The following MYO10 variants were observed in gnomAD, a reference collection of about 807,000 sequenced individuals.
MYO10 encodes myosin X.
In MYO10, 133 loss-of-function variants were observed where a neutral mutation model predicts 257.3. The ratio of observed to expected loss-of-function variants is 0.52; its 90% CI spans 0.45 to 0.60. The LOEUF (loss-of-function observed/expected upper bound fraction) is 0.60, where lower values mean the gene tolerates loss of function less well. MYO10 is among the 20% of genes least tolerant of loss of function. The pLI is 0.00. For missense variants in MYO10, 2,399 were observed against 2,635.7 expected (o/e 0.91, Z 1.97); for synonymous variants, 1,104 against 1,028.6 (o/e 1.07, Z -1.40).
At chr5:16,829,442 T>C (rs567873439) in intron 2 of MYO10, among the ~76,000 whole-genome samples, 2 of 152,264 alleles carry the variant, frequency 1.3e-5, no homozygotes, top group East Asian at 3.9e-4. Context: ...AGCAATCTTC[T>C]GAATCCTCTT....
rs201265648 is a variant in MYO10 at position 16,771,547 on chromosome 5, TTTATTATTATTATTATTATTA to T, written c.931-2365_931-2345del. ...CAAATCTAGGAACTTACTATTATGA[TTTATTATTATTATTATTATTA>T]TTATTATTATTATTATTATTATTAT... On this transcript the variant is annotated intron_variant, in intron 9 of 40. Coordinates refer to ENST00000513610, the MANE Select transcript of MYO10 (RefSeq NM_012334.3). Among the ~76,000 whole-genome samples, 16 of 136,898 alleles carry T rather than the reference TTTATTATTATTATTATTATTA, an allele frequency of 1.2e-4. 1 individual carries two copies. Among genetic ancestry groups the T allele is most frequent in the Admixed American group, 6.1e-4 (8 of 13,018 alleles). The allele number at this position is 136,898 out of a possible 152,430, so 89.8% of individuals were successfully genotyped here.
intron 36 of MYO10, among the ~76,000 whole-genome samples, chr5:16,673,117 G>C (rs1736548600): frequency 6.6e-6 from 1 of 152,002 alleles, no homozygotes; most frequent in African/African-American, 2.4e-5. Context: ...AGGAAAAGCG[G>C]GTGAAAAGCT....
At chr5:16,931,166 G>A (rs1360204146) in intron 1 of MYO10, among the ~76,000 whole-genome samples, 1 of 152,102 alleles carries the variant, frequency 6.6e-6, no homozygotes, top group African/African-American at 2.4e-5. Context: ...AGCTACTCGG[G>A]AGGCTGAGGC....
chr5:16,886,730 G>A (rs566159127), intron 1 of MYO10, among the ~76,000 whole-genome samples: 1 of 151,944 alleles, frequency 6.6e-6, no homozygotes, highest in African/African-American at 2.4e-5. Flanking sequence ...TCAGGAGTTT[G>A]ACACCATCCT....
intron 21 of MYO10, among the ~76,000 whole-genome samples, chr5:16,706,165 A>G (rs1483944601): frequency 6.6e-6 from 1 of 152,180 alleles, no homozygotes; most frequent in Non-Finnish European, 1.5e-5. Flanking sequence ...CCTGGGCAAC[A>G]GAGTGAGATT....
intron 10 of MYO10, among the ~76,000 whole-genome samples, chr5:16,767,822 C>T (rs942509135): frequency 2.6e-5 from 4 of 151,946 alleles, no homozygotes; most frequent in East Asian, 1.9e-4. Context: ...GAATTACAGG[C>T]GCACACCACC....
rs2126575811 is a variant in MYO10, at chr5:16,710,940, A to T, written c.2137T>A (p.Ser713Thr). 6.2e-7 allele frequency: 1 copy of T among 1,613,678 alleles called. No individual in the cohort carries two copies. Reference protein sequence around the residue: ...CTSLLQLYDASNSEWQLGKTK... With the variant: ...CTSLLQLYDATNSEWQLGKTK... Reference sequence around the variant, plus strand: ...TTCCCCAGCTGCCACTCGCTGTTGGAGGCATCATAGAGCTGCAGCAGGCTC... The same window carrying T: ...TTCCCCAGCTGCCACTCGCTGTTGGTGGCATCATAGAGCTGCAGCAGGCTC... The change falls in exon 21 of 41, where the codon TCC becomes ACC. Residue 713 changes from serine to threonine, a missense_variant. Around this residue, in one of 3 missense-constraint regions of MYO10, gnomAD observed 1,820 missense variants for 1,939.4 expected, o/e 0.94. Coordinates refer to ENST00000513610, the MANE Select transcript of MYO10 (RefSeq NM_012334.3).
chr5:16,685,695 G>C, intron 29 of MYO10, 43 bp downstream of exon 29: 7 of 1,028,082 alleles, frequency 6.8e-6, no homozygotes, highest in East Asian at 3.0e-5. Context: ...CCCCGTCCCT[G>C]CCCCTAGACG....
At chr5:16,685,691 C>T (rs1737220345) in intron 29 of MYO10, 47 bp downstream of exon 29, 8 of 704,728 alleles carry the variant, frequency 1.1e-5, no homozygotes, top group South Asian at 5.8e-5. Context: ...CCCTCCCCGT[C>T]CCTGCCCCTA....
At chr5:16,682,046 C>A in intron 30 of MYO10, 33 bp from the exon 31 acceptor site, 2 of 1,604,436 alleles carry the variant, frequency 1.2e-6, no homozygotes, top group Non-Finnish European at 1.7e-6. Flanking sequence ...AACAAAGCCC[C>A]TTAGCCCTAC....
intron 19 of MYO10, among the ~76,000 whole-genome samples, chr5:16,719,981 TGTGC>T (rs1193093170): frequency 1.8e-4 from 21 of 117,230 alleles, no homozygotes; most frequent in Middle Eastern, 3.5e-3. Flanking sequence ...AATAAATGTG[TGTGC>T]GTGCGTGTGT....
intron 4 of MYO10, among the ~76,000 whole-genome samples, chr5:16,785,425 T>C (rs1741549549): frequency 6.6e-6 from 1 of 152,258 alleles, no homozygotes; most frequent in Non-Finnish European, 1.5e-5. Context: ...ACGCGACAGC[T>C]GTTGGTGGCT....
intron 1 of MYO10, among the ~76,000 whole-genome samples, chr5:16,883,610 C>G (rs1416729903): frequency 1.3e-5 from 2 of 152,204 alleles, no homozygotes; most frequent in Admixed American, 1.3e-4. Context: ...CACCTATTAT[C>G]TATGACTCCT....
At chr5:16,716,834 A>T (rs992928962) in intron 19 of MYO10, among the ~76,000 whole-genome samples, 1 of 151,528 alleles carries the variant, frequency 6.6e-6, no homozygotes, top group African/African-American at 2.4e-5. Context: ...CAAACCGGTT[A>T]TTTTTTTTAT....
intron 19 of MYO10, chr5:16,738,447 T>C: frequency 2.0e-6 from 2 of 981,588 alleles, no homozygotes; most frequent in Non-Finnish European, 2.4e-6. Flanking sequence ...TGGAAATGTT[T>C]AGCAGTGAGG....
intron 2 of MYO10, among the ~76,000 whole-genome samples, chr5:16,864,859 TAAACTC>T (rs1409916190): frequency 6.6e-5 from 10 of 152,294 alleles, no homozygotes; most frequent in African/African-American, 2.4e-4. Flanking sequence ...AAAAGATTCT[TAAACTC>T]AAAACCAAGT....
intron 19 of MYO10, among the ~76,000 whole-genome samples, chr5:16,748,672 A>T (rs1180304359): frequency 6.6e-6 from 1 of 152,092 alleles, no homozygotes; most frequent in East Asian, 1.9e-4. Context: ...TGGATTACAT[A>T]AATATAAATC....
At chr5:16,855,090 G>C (rs553703534) in intron 2 of MYO10, among the ~76,000 whole-genome samples, 1 of 152,040 alleles carries the variant, frequency 6.6e-6, no homozygotes, top group Non-Finnish European at 1.5e-5. Flanking sequence ...TCAAGCTAAT[G>C]CAAGTTGTTA....
Position 16,701,000 on chromosome 5 carries a change from C to T in MYO10, c.3395G>A (p.Gly1132Asp), listed in dbSNP as rs1439820517. Residue 1132 changes from glycine to aspartate, a missense_variant, in exon 25 of 41, where the codon GGT becomes GAT. Gly to Asp is a moderately conservative substitution (Grantham distance 94). Transcript: ENST00000513610. ...RCSVGTYNSS[G>D]AYRFSSEGAQ... is the part of the protein sequence containing the mutation. ...CCCCTCAGAGCTGAACCGGTAGGCA[C>T]CCGAGCTGTTGTAGGTCCCCACAGA... 1 of 1,560,110 alleles carries T rather than the reference C, an allele frequency of 6.4e-7. No homozygotes were observed. The highest frequency in any genetic ancestry group is 8.7e-7 in the Non-Finnish European group (1 of 1,152,086).
Sources: allele counts gnomAD v4.1 joint callset (sites outside exome capture counted in the v4.1 genomes callset), GRCh38; gene constraint gnomAD v4.1.1; regional missense constraint gnomAD v4.1.1; transcripts MANE v1.5; gene names NCBI Gene and HGNC (gene_info 2026-07-23, HGNC 2026-07-21).